THSD7B: variants seen among roughly 807,000 people sequenced by gnomAD.
THSD7B encodes thrombospondin type 1 domain containing 7B.
A neutral mutation model predicts 213.6 loss-of-function variants in THSD7B; 138 were observed. That is an observed-to-expected ratio of 0.65 (90% CI 0.56 to 0.74). THSD7B has a LOEUF of 0.74. Among genes scored for constraint, THSD7B ranks in the 30% least tolerant of loss-of-function variants. The pLI, the probability that THSD7B is intolerant of heterozygous loss-of-function variation, is 0.00. For missense variants in THSD7B, 1,931 were observed against 1,991.5 expected (o/e 0.97, Z 0.58); for synonymous variants, 742 against 687.0 (o/e 1.08, Z -1.25).
intron 2 of THSD7B, among the ~76,000 whole-genome samples, chr2:136,907,094 G>A (rs1014598927): frequency 8.6e-5 from 13 of 151,458 alleles, no homozygotes; most frequent in South Asian, 4.2e-4. Flanking sequence ...ACAGGCACTC[G>A]CCACCATGCC....
At chr2:137,558,377 G>A (rs1335603259) in intron 15 of THSD7B, among the ~76,000 whole-genome samples, 1 of 152,142 alleles carries the variant, frequency 6.6e-6, no homozygotes, top group African/African-American at 2.4e-5. Flanking sequence ...GATCAATTGG[G>A]CTTCATCCCT....
At chr2:137,591,967 A>G (rs1039680910) in intron 17 of THSD7B, among the ~76,000 whole-genome samples, 4 of 151,238 alleles carry the variant, frequency 2.6e-5, no homozygotes, top group Non-Finnish European at 4.4e-5. Context: ...GAAGACTTCC[A>G]TTAGAAGTAT....
chr2:137,376,913 C>T (rs1028256338), intron 12 of THSD7B, among the ~76,000 whole-genome samples: 2 of 152,062 alleles, frequency 1.3e-5, no homozygotes, highest in African/African-American at 4.8e-5. Context: ...AGCATCTCAT[C>T]GTTAGCTTTC....
chr2:136,945,044 T>G (rs770714062), intron 2 of THSD7B, among the ~76,000 whole-genome samples: 15 of 152,256 alleles, frequency 9.9e-5, no homozygotes, highest in South Asian at 2.1e-4. Flanking sequence ...TCCTTTCCAT[T>G]TTTAGTGCCT....
At chr2:137,052,093 T>G (rs543124489) in intron 2 of THSD7B, among the ~76,000 whole-genome samples, 1 of 152,318 alleles carries the variant, frequency 6.6e-6, no homozygotes, top group Admixed American at 6.5e-5. Flanking sequence ...AGCCTTAAAT[T>G]TGAAAGTGAC....
intron 15 of THSD7B, among the ~76,000 whole-genome samples, chr2:137,528,812 T>C (rs2105176602): frequency 6.6e-6 from 1 of 152,184 alleles, no homozygotes; most frequent in East Asian, 1.9e-4. Context: ...AGTAGGAGCT[T>C]CTGACCTGCC....
chr2:137,310,312 G>C (rs1228143034), intron 12 of THSD7B, among the ~76,000 whole-genome samples: 4 of 148,628 alleles, frequency 2.7e-5, no homozygotes, highest in Non-Finnish European at 6.0e-5. Flanking sequence ...CTTTTGAGAA[G>C]TGTCTGTTCA....
chr2:137,429,707 A>G (rs1687133680), intron 14 of THSD7B, among the ~76,000 whole-genome samples: 1 of 152,180 alleles, frequency 6.6e-6, no homozygotes, highest in Non-Finnish European at 1.5e-5. Context: ...GAAGAATGAG[A>G]GTGCATTGTT....
At position 136,903,925 on chromosome 2, in the gene THSD7B, G is replaced by GGTGTGT. The variant is rs775988420; in HGVS notation, c.139+21651_139+21656dup. 7.3e-4 allele frequency among the ~76,000 whole-genome samples: 79 copies of GGTGTGT among 108,822 alleles called. 1 individual carries two copies. Among genetic ancestry groups the GGTGTGT allele is most frequent in the African/African-American group, 2.6e-3 (76 of 29,462 alleles). The allele number at this position is 108,822 out of a possible 152,430, so 71.4% of individuals were successfully genotyped here. A position where few individuals can be genotyped will look rare whatever the true frequency, so the allele number is the denominator to read the frequency against. The stretch of plus-strand genomic sequence containing the variant: ...AGTACCCAGCAGAGTCTTCCTGTGA[G>GGTGTGT]GTGTGTGTGTGTGTGTGTGTGTGTG... On this transcript the variant is annotated intron_variant, in intron 2 of 27. Transcript: ENST00000409968.
chr2:136,835,956 C>T (rs1682834857), intron 1 of THSD7B, among the ~76,000 whole-genome samples: 1 of 152,064 alleles, frequency 6.6e-6, no homozygotes, highest in Non-Finnish European at 1.5e-5. Context: ...CTAGTCTCAT[C>T]AAAGTTATTT....
At chr2:137,419,201 C>A (rs1044972367) in intron 14 of THSD7B, among the ~76,000 whole-genome samples, 2 of 151,570 alleles carry the variant, frequency 1.3e-5, no homozygotes, top group African/African-American at 4.8e-5. Context: ...AACCACCATG[C>A]CCAGCTATAC....
At chr2:137,058,323 T>C (rs1048892937) in intron 3 of THSD7B, among the ~76,000 whole-genome samples, 1 of 152,238 alleles carries the variant, frequency 6.6e-6, no homozygotes, top group African/African-American at 2.4e-5. Context: ...AAAAGATTCA[T>C]GCAATTTGTT....
chr2:137,159,279 A>G (rs1679966052), intron 5 of THSD7B, among the ~76,000 whole-genome samples: 1 of 151,982 alleles, frequency 6.6e-6, no homozygotes, highest in Non-Finnish European at 1.5e-5. Flanking sequence ...AAAAAGCAAT[A>G]GAAAAAATTA....
At chr2:137,093,051 C>T (rs1687979175) in intron 3 of THSD7B, among the ~76,000 whole-genome samples, 1 of 152,158 alleles carries the variant, frequency 6.6e-6, no homozygotes, top group Admixed American at 6.6e-5. Flanking sequence ...TCCTTTTCCT[C>T]CCAAAGTATT....
At chr2:136,942,499 ATTTG>A (rs1684846026) in intron 2 of THSD7B, among the ~76,000 whole-genome samples, 1 of 152,108 alleles carries the variant, frequency 6.6e-6, no homozygotes, top group Non-Finnish European at 1.5e-5. Flanking sequence ...ATGTTCTTCC[ATTTG>A]TTTGTGTCCT....
intron 10 of THSD7B, among the ~76,000 whole-genome samples, chr2:137,266,501 G>C (rs1388656437): frequency 6.6e-6 from 1 of 152,154 alleles, no homozygotes; most frequent in East Asian, 1.9e-4. Flanking sequence ...TGAAGAGGAG[G>C]AAAGAGAACT....
At chr2:137,245,952 T>G (rs573251084) in intron 10 of THSD7B, among the ~76,000 whole-genome samples, 63 of 152,288 alleles carry the variant, frequency 4.1e-4, no homozygotes, top group African/African-American at 1.2e-3. Flanking sequence ...AATTGTATAT[T>G]TCTATAAGTT....
intron 1 of THSD7B, among the ~76,000 whole-genome samples, chr2:136,850,994 G>T (rs909026618): frequency 5.3e-5 from 8 of 152,046 alleles, no homozygotes; most frequent in African/African-American, 1.9e-4. Flanking sequence ...ATTGCTGCAC[G>T]ATTTTTTGTT....
intron 2 of THSD7B, among the ~76,000 whole-genome samples, chr2:137,005,542 A>G (rs1372997518): frequency 1.3e-5 from 2 of 152,208 alleles, no homozygotes; most frequent in African/African-American, 4.8e-5. Flanking sequence ...AAATTGAGAT[A>G]TCTTAACAGA....
Sources: gnomAD v4.1 joint callset for allele counts (sites outside exome capture counted in the v4.1 genomes callset) on GRCh38, gnomAD v4.1.1 for gene constraint, MANE v1.5 for transcripts, NCBI Gene and HGNC (gene_info 2026-07-23, HGNC 2026-07-21) for gene names.